The following TEK variants were observed in gnomAD, a reference collection of about 807,000 sequenced individuals.
TEK encodes TEK receptor tyrosine kinase.
Under a neutral mutation model 131.8 loss-of-function variants are expected in TEK, and 43 were observed. That is an observed-to-expected ratio of 0.33 (90% CI 0.26 to 0.42). The LOEUF (loss-of-function observed/expected upper bound fraction) is 0.42. Ranked by LOEUF, TEK falls within the 10% of genes least tolerant of loss-of-function variation. The pLI, the probability that TEK is intolerant of heterozygous loss-of-function variation, is 1.00. For missense variants in TEK, 1,162 were observed against 1,384.4 expected (o/e 0.84, Z 2.55); for synonymous variants, 580 against 491.6 (o/e 1.18, Z -2.38).
rs193081982 is a variant in TEK at position 27,109,727 on chromosome 9, G to A, written c.52+85G>A. ...TGGGTGCTCTCCCCAAATCTCATCA[G>A]TGCTGATGAACAAGGGGTGGCTGTA... On this transcript the variant is annotated intron_variant, in intron 1 of 22. Transcript: ENST00000380036. 221 of 1,379,074 alleles carry A rather than the reference G, an allele frequency of 1.6e-4. 2 individuals carry two copies. In the Middle Eastern group the frequency reaches 1.8e-3, roughly 11 times the overall value. 85.4% of individuals were successfully genotyped at this position (1,379,074 alleles called of 1,614,324 possible).
intron 11 of TEK, 109 bp downstream of exon 11, chr9:27,192,732 G>GGA: frequency 2.2e-6 from 1 of 451,710 alleles, no homozygotes. Context: ...GGTGGGTGGG[G>GGA]ATGGAGGTGG....
intron 1 of TEK, among the ~76,000 whole-genome samples, chr9:27,155,890 C>T (rs1823313679): frequency 6.6e-6 from 1 of 151,536 alleles, no homozygotes; most frequent in African/African-American, 2.4e-5. Context: ...GGAACCTCTG[C>T]CTCCCGGGCT....
At chr9:27,205,291 A>G (rs1029950758) in intron 14 of TEK, among the ~76,000 whole-genome samples, 1 of 152,188 alleles carries the variant, frequency 6.6e-6, no homozygotes, top group Non-Finnish European at 1.5e-5. Flanking sequence ...TGCTCTTAGT[A>G]AATTATGCAG....
chr9:27,112,588 T>G (rs1306507995), intron 1 of TEK, among the ~76,000 whole-genome samples: 1 of 152,326 alleles, frequency 6.6e-6, no homozygotes, highest in East Asian at 1.9e-4. Context: ...AAAGACTATG[T>G]GATGTTCTCT....
At chr9:27,164,386 C>T (rs1320504269) in intron 2 of TEK, among the ~76,000 whole-genome samples, 1 of 149,064 alleles carries the variant, frequency 6.7e-6, no homozygotes. Context: ...GTGGCGCAAT[C>T]TCAGCTCACT....
At chr9:27,143,437 A>C (rs1156963538) in intron 1 of TEK, among the ~76,000 whole-genome samples, 1 of 152,164 alleles carries the variant, frequency 6.6e-6, no homozygotes, top group Non-Finnish European at 1.5e-5. Context: ...GAGGGGGCAC[A>C]CCTTGTCAGA....
intron 6 of TEK, among the ~76,000 whole-genome samples, chr9:27,178,356 A>G (rs970502418): frequency 6.6e-6 from 1 of 151,990 alleles, no homozygotes; most frequent in Admixed American, 6.6e-5. Flanking sequence ...TGTTTTTATT[A>G]CTATAGCTTT....
intron 2 of TEK, among the ~76,000 whole-genome samples, chr9:27,164,128 C>T (rs1283621598): frequency 1.3e-5 from 2 of 152,138 alleles, no homozygotes; most frequent in Non-Finnish European, 2.9e-5. Context: ...TGGTTCAAAT[C>T]CTGGCTCTCC....
In TEK at chr9:27,117,011, G is replaced by T. The variant is rs535960287; in HGVS notation, c.52+7369G>T. Among the ~76,000 whole-genome samples, 677 of 151,956 alleles carry T rather than the reference G, an allele frequency of 4.5e-3. 5 individuals carry two copies. The highest frequency in any genetic ancestry group is 0.016 in the African/African-American group (645 of 41,406). The stretch of plus-strand genomic sequence containing the variant: ...CGAGTAGCTGGGACTACAGGCGCCT[G>T]CCACCACGCCCAGCTAATTTTTTTT... On this transcript the variant is annotated intron_variant, in intron 1 of 22. Transcript: ENST00000380036.
At chr9:27,139,936 T>A (rs73643147) in intron 1 of TEK, among the ~76,000 whole-genome samples, 8,229 of 152,178 alleles carry the variant, frequency 0.054, 732 homozygotes, top group African/African-American at 0.19. Context: ...GCCGCCTATG[T>A]TCCCCCTGTC....
intron 1 of TEK, among the ~76,000 whole-genome samples, chr9:27,139,320 C>CA (rs1822631530): frequency 7.7e-6 from 1 of 130,246 alleles, no homozygotes; most frequent in African/African-American, 2.9e-5. Context: ...ACAGCTTTAA[C>CA]AATTTTTTTT....
At chr9:27,212,653 T>C in intron 16 of TEK, 54 bp from the exon 17 acceptor site, 1 of 1,591,974 alleles carries the variant, frequency 6.3e-7, no homozygotes, top group Admixed American at 1.7e-5. Flanking sequence ...ATCTCTTAAA[T>C]GTCATAGCTG....
chr9:27,201,393 A>C (rs1203301297), intron 12 of TEK, among the ~76,000 whole-genome samples: 1 of 152,248 alleles, frequency 6.6e-6, no homozygotes, highest in African/African-American at 2.4e-5. Context: ...AGCCACAACT[A>C]TACAAATATT....
At chr9:27,168,909 A>G (rs1048644084) in intron 3 of TEK, among the ~76,000 whole-genome samples, 7 of 152,200 alleles carry the variant, frequency 4.6e-5, no homozygotes, top group African/African-American at 1.2e-4. Flanking sequence ...TGATTGTGAC[A>G]TTGTTGATTG....
At position 27,168,652 on chromosome 9, in the gene TEK, G is replaced by C. The variant is rs775571303; in HGVS notation, c.475+47G>C. 4 of 1,303,946 alleles carry C rather than the reference G, an allele frequency of 3.1e-6. No individual in the cohort carries two copies. In the South Asian group the frequency reaches 4.9e-5, roughly 16 times the overall value. The allele number at this position is 1,303,946 out of a possible 1,614,324, so 80.8% of individuals were successfully genotyped here. A position where few individuals can be genotyped will look rare whatever the true frequency, so the allele number is the denominator to read the frequency against. On this transcript the variant is annotated intron_variant, in intron 3 of 22. Transcript: ENST00000380036. Reference sequence around the variant, plus strand: ...TTCCCCAGTATGATGTGAGATATCAGATAACATACAACATATTGAATCATT... The same window carrying C: ...TTCCCCAGTATGATGTGAGATATCACATAACATACAACATATTGAATCATT...
chr9:27,217,896 A>C (rs1825876636), intron 19 of TEK, 138 bp downstream of exon 19: 3 of 789,430 alleles, frequency 3.8e-6, no homozygotes, highest in Non-Finnish European at 6.4e-6. Context: ...GAAATAAATT[A>C]GCAGAATAAA....
intron 21 of TEK, 76 bp from the exon 22 acceptor site, chr9:27,228,130 T>C: frequency 7.8e-7 from 1 of 1,276,938 alleles, no homozygotes; most frequent in African/African-American, 1.5e-5. Context: ...GGCTTCATTC[T>C]CTCCTCTCTT....
chr9:27,192,520 G>A lies in TEK; in HGVS notation c.1521G>A (p.Leu507=), dbSNP rs1347558719. The A allele has an allele frequency of 7.4e-6, 12 of 1,613,748 alleles. No individual in the cohort carries two copies. Among genetic ancestry groups the A allele is most frequent in the African/African-American group, 1.3e-5 (1 of 74,876 alleles). ...VTNEIVTLNY[L]EPRTEYELCV... is the part of the protein sequence containing the mutation. The stretch of plus-strand genomic sequence containing the variant: ...ATGAGATTGTTACACTCAACTATTT[G>A]GAACCTCGGACAGAATATGAACTCT... The change falls in exon 11 of 23, where the codon TTG becomes TTA. Residue 507 remains leucine, a synonymous_variant. Coordinates refer to ENST00000380036, the MANE Select transcript of TEK (RefSeq NM_000459.5).
intron 1 of TEK, among the ~76,000 whole-genome samples, chr9:27,131,097 A>G (rs1050304898): frequency 2.0e-5 from 3 of 152,232 alleles, no homozygotes; most frequent in African/African-American, 7.2e-5. Flanking sequence ...AAGGCTCAGT[A>G]ATACATGGCT....
Sources: allele counts gnomAD v4.1 joint callset (sites outside exome capture counted in the v4.1 genomes callset), GRCh38; gene constraint gnomAD v4.1.1; transcripts MANE v1.5; gene names NCBI Gene and HGNC (gene_info 2026-07-23, HGNC 2026-07-21).